The following DMD variants were observed in gnomAD, a reference collection of about 807,000 sequenced individuals.
The protein encoded by DMD is dystrophin.
In DMD, 63 loss-of-function variants were observed where a neutral mutation model predicts 330.1. The observed-to-expected ratio is 0.19, with a 90% CI of 0.16 to 0.24. DMD has a LOEUF of 0.24. Among genes scored for constraint, DMD ranks in the 10% least tolerant of loss-of-function variants. DMD has a pLI of 1.00. For missense variants in DMD, 3,344 were observed against 2,684.1 expected (o/e 1.25, Z -5.43); for synonymous variants, 1,223 against 959.8 (o/e 1.27, Z -5.07).
intron 30 of DMD, among the ~76,000 whole-genome samples, chrX:32,395,630 A>G (rs2098038717): frequency 8.9e-6 from 1 of 111,879 alleles, no homozygotes; most frequent in South Asian, 3.7e-4. Flanking sequence ...ATAAATATTA[A>G]TATCTGCTGT....
intron 52 of DMD, among the ~76,000 whole-genome samples, chrX:31,688,969 T>C (rs1247054551): frequency 9.0e-6 from 1 of 111,706 alleles, no homozygotes. Flanking sequence ...GGGACGTATC[T>C]CAAAATAGTA....
intron 67 of DMD, among the ~76,000 whole-genome samples, chrX:31,200,730 T>A (rs1485955085): frequency 9.0e-6 from 1 of 111,107 alleles, no homozygotes; most frequent in Non-Finnish European, 1.9e-5. Flanking sequence ...GGGAAATGCT[T>A]TTCTCTAAAA....
chrX:32,919,906 A>G (rs989572210), intron 2 of DMD, among the ~76,000 whole-genome samples: 1 of 112,091 alleles, frequency 8.9e-6, no homozygotes, highest in Non-Finnish European at 1.9e-5. Flanking sequence ...TTAAAGGGTA[A>G]GTTAAATCTC....
chrX:31,502,304 G>A (rs778153697), intron 56 of DMD, among the ~76,000 whole-genome samples: 1 of 111,201 alleles, frequency 9.0e-6, no homozygotes, highest in African/African-American at 3.3e-5. Context: ...GAATCCCAAA[G>A]AGAAGTCAAC....
chrX:32,597,932 C>A (rs1320589329), intron 12 of DMD, among the ~76,000 whole-genome samples: 1 of 112,145 alleles, frequency 8.9e-6, no homozygotes, highest in East Asian at 2.8e-4. Context: ...AAGTTTGGGA[C>A]ATTTCCCGTT....
chrX:32,552,302 G>A lies in DMD; in HGVS notation c.1993-6968C>T, dbSNP rs149002427. 5.5e-3 allele frequency among the ~76,000 whole-genome samples: 610 copies of A among 111,326 alleles called. 7 individuals are homozygous for A. The highest frequency in any genetic ancestry group is 0.019 in the African/African-American group (588 of 30,659). On this transcript the variant is annotated intron_variant, in intron 16 of 78. Transcript: ENST00000357033. The stretch of plus-strand genomic sequence containing the variant: ...AACCAATGGAAAAGAATAGAGAGTC[G>A]AGAAATAAGGCTGCACACCTACAAC...
At chrX:32,607,301 G>A (rs1315912051) in intron 12 of DMD, among the ~76,000 whole-genome samples, 1 of 110,256 alleles carries the variant, frequency 9.1e-6, no homozygotes, top group Admixed American at 9.7e-5. Flanking sequence ...TGAGATTCAT[G>A]GAAATAGCCC....
chrX:32,730,795 G>A (rs1603294504), intron 7 of DMD, among the ~76,000 whole-genome samples: 1 of 111,776 alleles, frequency 8.9e-6, no homozygotes, highest in Non-Finnish European at 1.9e-5. Flanking sequence ...TGAAAGAGAT[G>A]GGAGATACAG....
intron 1 of DMD, among the ~76,000 whole-genome samples, chrX:33,328,353 G>A (rs761816209): frequency 1.2e-4 from 13 of 110,037 alleles, no homozygotes; most frequent in African/African-American, 4.0e-4. Flanking sequence ...ACAGGCACGT[G>A]AGCCCACCTA....
In DMD at chrX:31,119,343, TAAAA is replaced by T. The variant is rs1239981653; in HGVS notation, c.*2572_*2575del. On this transcript the variant is annotated 3_prime_UTR_variant, in exon 79 of 79. Transcript: ENST00000357033. Reference sequence around the variant, plus strand: ...GTGAAAATGCAGTAAAACTGAAGTTTAAAAAAATAATTCGTAAATGTTACAGTGT... The same window carrying T: ...GTGAAAATGCAGTAAAACTGAAGTTTAAATAATTCGTAAATGTTACAGTGT... The T allele has an allele frequency of 8.9e-6, 1 of 112,034 alleles. No homozygotes were observed. The highest frequency in any genetic ancestry group is 1.9e-5 in the Non-Finnish European group (1 of 53,033). 9.2% of individuals were successfully genotyped at this position (112,034 alleles called of 1,213,427 possible).
At chrX:32,034,214 T>C (rs1198842064) in intron 44 of DMD, among the ~76,000 whole-genome samples, 1 of 112,008 alleles carries the variant, frequency 8.9e-6, no homozygotes, top group Non-Finnish European at 1.9e-5. Flanking sequence ...TTTCTGGCAA[T>C]ATAATTAAGT....
At chrX:32,350,078 A>C (rs765528573) in intron 37 of DMD, among the ~76,000 whole-genome samples, 130 of 111,519 alleles carry the variant, frequency 1.2e-3, no homozygotes, top group Non-Finnish European at 2.2e-3. Flanking sequence ...ACTATGTTCT[A>C]TGTGATTTTG....
At chrX:33,060,292 G>A (rs146668819) in intron 1 of DMD, among the ~76,000 whole-genome samples, 1,719 of 111,080 alleles carry the variant, frequency 0.015, 34 homozygotes, top group African/African-American at 0.053. Flanking sequence ...TCATCCCCTG[G>A]AGGATGGTGG....
intron 7 of DMD, among the ~76,000 whole-genome samples, chrX:32,788,382 C>T (rs1024800413): frequency 2.7e-5 from 3 of 111,461 alleles, no homozygotes; most frequent in African/African-American, 6.5e-5. Flanking sequence ...TGATTTTGGC[C>T]GTTGTCCTAG....
chrX:33,068,604 TTCTA>T lies in DMD; in HGVS notation c.32-48408_32-48405del, dbSNP rs758939766. ...ATATGTGCTTATGTTTCCGTGTGAG[TTCTA>T]TCTATGTGTGTGCTTATATATGTGT... On this transcript the variant is annotated intron_variant, in intron 1 of 78. Coordinates refer to ENST00000357033, the MANE Select transcript of DMD (RefSeq NM_004006.3). Among the ~76,000 whole-genome samples, 9 of 112,393 alleles carry T rather than the reference TTCTA, an allele frequency of 8.0e-5. No individual in the cohort carries two copies. In the South Asian group the frequency reaches 1.1e-3, roughly 14 times the overall value.
intron 44 of DMD, among the ~76,000 whole-genome samples, chrX:32,164,736 G>T (rs757845160): frequency 1.8e-5 from 2 of 110,884 alleles, no homozygotes; most frequent in Admixed American, 9.6e-5. Flanking sequence ...CCTTCATTGC[G>T]GCTCCTCCCA....
chrX:32,451,449 G>A (rs2098329734), intron 26 of DMD, among the ~76,000 whole-genome samples: 1 of 110,083 alleles, frequency 9.1e-6, no homozygotes, highest in Admixed American at 9.6e-5. Flanking sequence ...TTTTTCAAAG[G>A]GTTTTAGTAT....
chrX:32,934,382 A>T (rs1410153719), intron 2 of DMD, among the ~76,000 whole-genome samples: 1 of 110,826 alleles, frequency 9.0e-6, no homozygotes, highest in African/African-American at 3.3e-5. Context: ...AAGAGAGACC[A>T]TATCTTTAAA....
At chrX:32,266,909 C>T (rs146304252) in intron 43 of DMD, among the ~76,000 whole-genome samples, 120 of 111,882 alleles carry the variant, frequency 1.1e-3, no homozygotes, top group African/African-American at 3.5e-3. Context: ...CCTAAATTCT[C>T]CCCTTTAGCT....
Sources: gnomAD v4.1 joint callset for allele counts (sites outside exome capture counted in the v4.1 genomes callset) on GRCh38, gnomAD v4.1.1 for gene constraint, MANE v1.5 for transcripts, NCBI Gene and HGNC (gene_info 2026-07-23, HGNC 2026-07-21) for gene names.